Variants in CTDSPL2 observed in about 807,000 individuals in gnomAD.
The protein encoded by CTDSPL2 is CTD small phosphatase like 2, also known as CTD small phosphatase-like protein 2.
CTDSPL2 carries 5 observed loss-of-function variants against 60.0 expected under a neutral mutation model. The ratio of observed to expected loss-of-function variants is 0.08; its 90% CI spans 0.04 to 0.18. CTDSPL2 has a LOEUF of 0.18. Ranked by LOEUF, CTDSPL2 falls within the 10% of genes least tolerant of loss-of-function variation. CTDSPL2 has a pLI of 1.00. For synonymous variants in CTDSPL2, 186 were observed against 189.3 expected, an observed-to-expected ratio of 0.98 and a Z score of 0.14; for missense variants, 370 against 548.8, an observed-to-expected ratio of 0.67 and a Z score of 3.26.
chr15:44,502,263 A>G (rs1397166653), intron 8 of CTDSPL2, among the ~76,000 whole-genome samples: 1 of 151,984 alleles, frequency 6.6e-6, no homozygotes, highest in East Asian at 1.9e-4. Context: ...ATATATGTAT[A>G]TATATTTTAT....
chr15:44,472,921 A>G (rs930061590), intron 2 of CTDSPL2, among the ~76,000 whole-genome samples: 4 of 152,190 alleles, frequency 2.6e-5, no homozygotes, highest in East Asian at 1.9e-4. Flanking sequence ...TTGGCCTTCC[A>G]AAGTGCTGGG....
intron 4 of CTDSPL2, among the ~76,000 whole-genome samples, chr15:44,487,728 A>G (rs1364388631): frequency 6.6e-6 from 1 of 152,230 alleles, no homozygotes; most frequent in Non-Finnish European, 1.5e-5. Context: ...TAGAGCTAAC[A>G]TAGTAAGATG....
chr15:44,492,368 TG>T (rs1178071162), intron 5 of CTDSPL2, among the ~76,000 whole-genome samples: 3 of 152,120 alleles, frequency 2.0e-5, no homozygotes, highest in Non-Finnish European at 2.9e-5. Flanking sequence ...AAACATAGTT[TG>T]GTTTAAGGAA....
At chr15:44,465,252 T>A (rs1250680841) in intron 2 of CTDSPL2, among the ~76,000 whole-genome samples, 1 of 152,216 alleles carries the variant, frequency 6.6e-6, no homozygotes, top group Non-Finnish European at 1.5e-5. Context: ...ATTTCTAATA[T>A]GTAATTGAAG....
At chr15:44,481,405 CAG>C (rs2081024416) in intron 2 of CTDSPL2, among the ~76,000 whole-genome samples, 1 of 152,166 alleles carries the variant, frequency 6.6e-6, no homozygotes, top group Non-Finnish European at 1.5e-5. Context: ...TATTGGTAAA[CAG>C]GGGAGTAGTA....
Position 44,451,708 on chromosome 15 carries a change from G to A in CTDSPL2, c.-24-7283G>A, listed in dbSNP as rs760627362. On this transcript the variant is annotated intron_variant, in intron 1 of 12. Coordinates refer to ENST00000260327, the MANE Select transcript of CTDSPL2 (RefSeq NM_016396.3). The stretch of plus-strand genomic sequence containing the variant: ...CACTCTGATTCTTGATTTTTCTCCC[G>A]TCAAAAGTTGTTGGTTGTTTAGCAG... 4.6e-5 allele frequency among the ~76,000 whole-genome samples: 7 copies of A among 151,966 alleles called. No individual in the cohort carries two copies. The East Asian group carries it at 5.8e-4, about 13-fold the overall frequency.
At chr15:44,453,904 A>G (rs904643039) in intron 1 of CTDSPL2, among the ~76,000 whole-genome samples, 1 of 152,100 alleles carries the variant, frequency 6.6e-6, no homozygotes, top group Non-Finnish European at 1.5e-5. Context: ...ATGTGTCTTT[A>G]TAGCAGCATG....
chr15:44,444,320 C>A (rs1267180635), intron 1 of CTDSPL2, among the ~76,000 whole-genome samples: 1 of 147,210 alleles, frequency 6.8e-6, no homozygotes, highest in African/African-American at 2.4e-5. Flanking sequence ...CACACACACA[C>A]ACACACACAC....
At chr15:44,497,704 T>C (rs2081324482) in intron 7 of CTDSPL2, among the ~76,000 whole-genome samples, 1 of 152,142 alleles carries the variant, frequency 6.6e-6, no homozygotes, top group Non-Finnish European at 1.5e-5. Context: ...TAAAAATTTG[T>C]ATTTTAGGGA....
chr15:44,443,948 G>A (rs1450834827), intron 1 of CTDSPL2, among the ~76,000 whole-genome samples: 1 of 152,048 alleles, frequency 6.6e-6, no homozygotes, highest in East Asian at 1.9e-4. Context: ...TGTCACCCAG[G>A]CTGGAGTGTA....
intron 7 of CTDSPL2, among the ~76,000 whole-genome samples, chr15:44,499,492 C>G (rs1047294358): frequency 1.3e-5 from 2 of 152,160 alleles, no homozygotes; most frequent in African/African-American, 4.8e-5. Flanking sequence ...ATTTGCATTT[C>G]TAACTAGTTC....
At chr15:44,514,558 G>T (rs777968802) in intron 8 of CTDSPL2, 40 bp from the exon 9 acceptor site, 2 of 1,189,428 alleles carry the variant, frequency 1.7e-6, no homozygotes, top group South Asian at 2.5e-5. Context: ...GTTTCCCATT[G>T]TATGTTTATT....
intron 2 of CTDSPL2, among the ~76,000 whole-genome samples, chr15:44,469,010 A>C (rs969402228): frequency 1.3e-5 from 2 of 151,878 alleles, no homozygotes; most frequent in Non-Finnish European, 2.9e-5. Context: ...TTTGTATTCA[A>C]TTAATCCTTA....
intron 1 of CTDSPL2, among the ~76,000 whole-genome samples, chr15:44,431,258 G>A (rs975336685): frequency 1.3e-5 from 2 of 151,972 alleles, no homozygotes; most frequent in Admixed American, 6.6e-5. Flanking sequence ...CACTGCACCC[G>A]GCTCATGATG....
At chr15:44,454,266 T>C (rs1015965500) in intron 1 of CTDSPL2, among the ~76,000 whole-genome samples, 1 of 152,220 alleles carries the variant, frequency 6.6e-6, no homozygotes, top group African/African-American at 2.4e-5. Context: ...CACCCACTTT[T>C]TGATGGAGTT....
chr15:44,502,366 T>C (rs1483434971), intron 8 of CTDSPL2, among the ~76,000 whole-genome samples: 8 of 152,136 alleles, frequency 5.3e-5, no homozygotes, highest in Non-Finnish European at 8.8e-5. Context: ...ATATTTGTTA[T>C]GGTTGACCTA....
At position 44,456,721 on chromosome 15, in the gene CTDSPL2, T is replaced by G. The variant is rs568381662; in HGVS notation, c.-24-2270T>G. ...TGGATTCATTGATTTTTTTTAAGGG[T>G]TTTTTTGTGTCTCTATCTCCCTCAG... On this transcript the variant is annotated intron_variant, in intron 1 of 12. Coordinates refer to ENST00000260327, the MANE Select transcript of CTDSPL2 (RefSeq NM_016396.3). Among the ~76,000 whole-genome samples, 580 of 152,032 alleles carry G rather than the reference T, an allele frequency of 3.8e-3. 4 individuals carry two copies. The highest frequency in any genetic ancestry group is 6.2e-3 in the Admixed American group (94 of 15,258).
chr15:44,466,927 C>T (rs747376169), intron 2 of CTDSPL2, among the ~76,000 whole-genome samples: 6 of 151,714 alleles, frequency 4.0e-5, no homozygotes, highest in Non-Finnish European at 8.8e-5. Context: ...TGACACAGCG[C>T]GACTCCGTCT....
intron 1 of CTDSPL2, among the ~76,000 whole-genome samples, chr15:44,435,290 CTG>C (rs955810352): frequency 8.8e-5 from 13 of 148,348 alleles, no homozygotes; most frequent in Admixed American, 3.4e-4. Context: ...ATCCTTCTAA[CTG>C]TGCGCAATGG....
Sources: allele counts gnomAD v4.1 joint callset (sites outside exome capture counted in the v4.1 genomes callset), GRCh38; gene constraint gnomAD v4.1.1; transcripts MANE v1.5; gene names NCBI Gene and HGNC (gene_info 2026-07-23, HGNC 2026-07-21).